The following FMO5 variants were observed in gnomAD, a reference collection of about 807,000 sequenced individuals.
The protein encoded by FMO5 is flavin containing dimethylaniline monoxygenase 5, also known as flavin-containing monooxygenase 5.
In FMO5, 51 loss-of-function variants were observed where a neutral mutation model predicts 43.6. The observed-to-expected ratio is 1.17, with a 90% confidence interval of 0.93 to 1.48. FMO5 has a LOEUF of 1.48. FMO5 is among the 40% of genes most tolerant of loss of function. The pLI is 0.00. For missense variants in FMO5, 644 were observed against 643.0 expected, an observed-to-expected ratio of 1.00 and a Z score of -0.02; for synonymous variants, 187 against 216.5, an observed-to-expected ratio of 0.86 and a Z score of 1.20.
Position 147,215,860 on chromosome 1 carries a change from T to C in FMO5, c.218A>G (p.Tyr73Cys), listed in dbSNP as rs1661893149. ...TSKEMMCFSD[Y>C]PIPDHYPNFM... Reference sequence around the variant, plus strand: ...GTTGGGATAATGATCTGGGATTGGATAGTCACTGAAGCACATCATCTCTTT... The same window carrying C: ...GTTGGGATAATGATCTGGGATTGGACAGTCACTGAAGCACATCATCTCTTT... The change falls in exon 3 of 9, where the codon TAT becomes TGT. Residue 73 changes from tyrosine to cysteine, a missense_variant. By Grantham distance (194) the Tyr-to-Cys change is radical. Transcript: ENST00000254090. 2.5e-6 allele frequency: 4 copies of C among 1,613,414 alleles called. No individual in the cohort carries two copies. Among genetic ancestry groups the C allele is most frequent in the South Asian group, 1.1e-5 (1 of 91,060 alleles).
chr1:147,221,464 G>A (rs1571424411), intron 2 of FMO5, among the ~76,000 whole-genome samples: 1 of 152,110 alleles, frequency 6.6e-6, no homozygotes. Context: ...GTACATAAGT[G>A]TATATATTTT....
At chr1:147,217,467 A>T (rs1662216504) in intron 2 of FMO5, among the ~76,000 whole-genome samples, 1 of 152,192 alleles carries the variant, frequency 6.6e-6, no homozygotes, top group Admixed American at 6.5e-5. Context: ...AGAAATGAAC[A>T]GATATTGAGA....
chr1:147,212,667 T>G, intron 4 of FMO5, 132 bp from the exon 5 acceptor site: 2 of 829,714 alleles, frequency 2.4e-6, no homozygotes, highest in Non-Finnish European at 3.7e-6. Context: ...TCAGCTACTT[T>G]CTTGCCTTTC....
intron 7 of FMO5, among the ~76,000 whole-genome samples, chr1:147,192,793 T>C (rs1657132064): frequency 6.6e-6 from 1 of 152,198 alleles, no homozygotes; most frequent in Non-Finnish European, 1.5e-5. Flanking sequence ...TCATTGGTTC[T>C]GTTTATATGC....
chr1:147,212,858 G>A (rs587609639), intron 4 of FMO5, among the ~76,000 whole-genome samples: 8 of 151,698 alleles, frequency 5.3e-5, no homozygotes, highest in South Asian at 2.1e-4. Context: ...ATACCTACTC[G>A]CATTTCACTT....
chr1:147,224,386 G>T (rs1448196757), intron 2 of FMO5: 1 of 157,192 alleles, frequency 6.4e-6, no homozygotes, highest in African/African-American at 2.4e-5. Flanking sequence ...TAAATAAAAA[G>T]AATAAAAATT....
At chr1:147,206,399 C>A (rs1383384748) in intron 6 of FMO5, among the ~76,000 whole-genome samples, 28 of 152,198 alleles carry the variant, frequency 1.8e-4, no homozygotes, top group African/African-American at 6.8e-4. Flanking sequence ...TTGACCCAAC[C>A]ATCCCATTAC....
At chr1:147,216,792 C>G (rs587725974) in intron 2 of FMO5, among the ~76,000 whole-genome samples, 20 of 152,318 alleles carry the variant, frequency 1.3e-4, no homozygotes, top group African/African-American at 4.8e-4. Context: ...CAGGCCCCAC[C>G]TCAGACCTAC....
At chr1:147,184,507 C>T (rs1655451661), downstream of FMO5, 1 of 1,544,508 alleles carries the variant, frequency 6.5e-7, no homozygotes, top group Non-Finnish European at 8.7e-7. This position sits in a 1 kb window ranked among gnomAD's most constrained non-coding sequence, Gnocchi z 4.4. Context: ...TCTCCTTAGG[C>T]CCCTTTATTC....
At position 147,225,004 on chromosome 1, in the gene FMO5, A is replaced by G. The variant is rs1331343533; in HGVS notation, c.26T>C (p.Ile9Thr). Residue 9 changes from isoleucine (I) to threonine (T), a missense_variant, in exon 2 of 9, where the codon ATT becomes ACT. Physicochemically the swap from Ile to Thr is moderately conservative, Grantham distance 89. Transcript: ENST00000254090. MTKKRIAV[I>T]GGGVSGLSSI... ...AGAGAGCCCGCTCACTCCTCCCCCA[A>G]TCACAGCAATTCTTTTCTTAGTCAT... The G allele has an allele frequency of 2.5e-6, 4 of 1,611,068 alleles. No individual in the cohort carries two copies. Among genetic ancestry groups the G allele is most frequent in the African/African-American group, 2.7e-5 (2 of 74,736 alleles).
intron 2 of FMO5, chr1:147,224,079 A>T: frequency 2.7e-6 from 1 of 367,294 alleles, no homozygotes; most frequent in East Asian, 9.0e-5. Flanking sequence ...CTGTGTCCCA[A>T]AATGGGGGTC....
chr1:147,202,067 G>C (rs1245440642), intron 6 of FMO5, among the ~76,000 whole-genome samples: 2 of 152,146 alleles, frequency 1.3e-5, no homozygotes, highest in Non-Finnish European at 2.9e-5. Context: ...AGGGAATTGA[G>C]GCCTAGAAAA....
At chr1:147,216,012 T>C (rs1373825788) in intron 2 of FMO5, 70 bp from the exon 3 acceptor site, 11 of 1,208,722 alleles carry the variant, frequency 9.1e-6, no homozygotes, top group Non-Finnish European at 1.3e-5. Flanking sequence ...CCAATAGACA[T>C]CTGAAAAAGT....
At chr1:147,211,341 C>A (rs1661037039) in intron 5 of FMO5, 1 of 152,098 alleles carries the variant, frequency 6.6e-6, no homozygotes, top group South Asian at 2.1e-4. Context: ...TACGTTTTAA[C>A]CCTTGTTTAT....
chr1:147,197,440 C>T lies in FMO5; in HGVS notation c.1183+3712G>A, dbSNP rs587679739. Among the ~76,000 whole-genome samples, 5 of 152,158 alleles carry T rather than the reference C, an allele frequency of 3.3e-5. No homozygotes were observed. The East Asian group carries it at 9.7e-4, about 29-fold the overall frequency. ...TGATATGGTTTGGCTGTGTCCCCAC[C>T]CAAATCTTATCTTGAATTTTGGGTC... On this transcript the variant is annotated intron_variant, in intron 7 of 8. Coordinates refer to ENST00000254090, the MANE Select transcript of FMO5 (RefSeq NM_001461.4).
Position 147,204,278 on chromosome 1 carries a change from G to A in FMO5, c.831-2774C>T, listed in dbSNP as rs930286565. ...GTTTCCTTCTTAAAAACCATGCCATGCAATACTGAAGAGGAAGTGATACCA... is the reference window on the plus strand; with the variant it reads ...GTTTCCTTCTTAAAAACCATGCCATACAATACTGAAGAGGAAGTGATACCA... On this transcript the variant is annotated intron_variant, in intron 6 of 8. Coordinates refer to ENST00000254090, the MANE Select transcript of FMO5 (RefSeq NM_001461.4). 8.9e-6 allele frequency: 9 copies of A among 1,006,952 alleles called. No homozygotes were observed. The African/African-American group carries it at 1.3e-4, about 14-fold the overall frequency. 62.4% of individuals were successfully genotyped at this position (1,006,952 alleles called of 1,614,324 possible).
At chr1:147,187,645 C>G (rs1253123002) in intron 8 of FMO5, among the ~76,000 whole-genome samples, 2 of 152,142 alleles carry the variant, frequency 1.3e-5, no homozygotes, top group Middle Eastern at 3.2e-3. Context: ...ATGGCATCCT[C>G]TATTATTTGA....
At chr1:147,202,309 G>GTCTT (rs1659115947) in intron 6 of FMO5, among the ~76,000 whole-genome samples, 6 of 118,436 alleles carry the variant, frequency 5.1e-5, no homozygotes, top group Non-Finnish European at 6.9e-5. Context: ...CTAAAAAGCA[G>GTCTT]TTCTTTTTTT....
At chr1:147,200,986 T>C (rs955547284) in intron 7 of FMO5, among the ~76,000 whole-genome samples, 166 bp downstream of exon 7, 14 of 152,244 alleles carry the variant, frequency 9.2e-5, no homozygotes, top group African/African-American at 3.1e-4. Context: ...TCCATGGTTA[T>C]AAATTGCTAC....
Sources: allele counts gnomAD v4.1 joint callset (sites outside exome capture counted in the v4.1 genomes callset), GRCh38; gene constraint gnomAD v4.1.1; non-coding constraint Gnocchi (gnomAD v3.1); transcripts MANE v1.5; gene names NCBI Gene and HGNC (gene_info 2026-07-23, HGNC 2026-07-21).